SGCZ: variants seen among roughly 807,000 people sequenced by gnomAD.
The protein encoded by SGCZ is zeta-sarcoglycan.
In SGCZ, 40 loss-of-function variants were observed where a neutral mutation model predicts 41.3. The ratio of observed to expected loss-of-function variants is 0.97; its 90% CI spans 0.75 to 1.26. SGCZ has a LOEUF of 1.26. Among genes scored for constraint, SGCZ ranks in the 50% most tolerant of loss-of-function variants. The pLI is 0.00. For synonymous variants in SGCZ, 206 were observed against 137.5 expected (o/e 1.50, Z -3.49); for missense variants, 552 against 369.8 (o/e 1.49, Z -4.04).
At chr8:14,735,999 G>T (rs1266847616) in intron 1 of SGCZ, among the ~76,000 whole-genome samples, 1 of 152,076 alleles carries the variant, frequency 6.6e-6, no homozygotes, top group Non-Finnish European at 1.5e-5. Context: ...TGAGTATGGA[G>T]ATTGTAAGCA....
At chr8:14,436,152 G>T (rs1029417583) in intron 2 of SGCZ, among the ~76,000 whole-genome samples, 2 of 152,050 alleles carry the variant, frequency 1.3e-5, no homozygotes, top group African/African-American at 4.8e-5. Context: ...GTGATGTTTC[G>T]ATCCTCTGCC....
intron 3 of SGCZ, among the ~76,000 whole-genome samples, chr8:14,287,719 C>T (rs1427065068): frequency 6.6e-6 from 1 of 151,990 alleles, no homozygotes; most frequent in Non-Finnish European, 1.5e-5. Context: ...CCCCCATTAT[C>T]CCCGATTGGA....
At chr8:15,093,590 G>A (rs536355146) in intron 1 of SGCZ, among the ~76,000 whole-genome samples, 6 of 152,118 alleles carry the variant, frequency 3.9e-5, no homozygotes, top group African/African-American at 7.2e-5. Flanking sequence ...CTGTGGTATC[G>A]AATTTTCCTA....
At chr8:15,139,468 T>C (rs1022196967) in intron 1 of SGCZ, among the ~76,000 whole-genome samples, 6 of 152,204 alleles carry the variant, frequency 3.9e-5, no homozygotes, top group African/African-American at 1.4e-4. Flanking sequence ...ATTAAAAGTA[T>C]CACTATTACT....
chr8:15,200,704 G>A (rs568743214), intron 1 of SGCZ, among the ~76,000 whole-genome samples: 3 of 152,128 alleles, frequency 2.0e-5, no homozygotes, highest in Non-Finnish European at 4.4e-5. Flanking sequence ...GATCAGAAAT[G>A]CAAGTTCTCT....
At chr8:14,844,813 T>G (rs1803044809) in intron 1 of SGCZ, among the ~76,000 whole-genome samples, 1 of 152,150 alleles carries the variant, frequency 6.6e-6, no homozygotes, top group South Asian at 2.1e-4. Context: ...GTTTCAACAT[T>G]TGGGACATTA....
At chr8:14,445,140 T>G (rs1449040062) in intron 2 of SGCZ, among the ~76,000 whole-genome samples, 1 of 152,116 alleles carries the variant, frequency 6.6e-6, no homozygotes, top group East Asian at 1.9e-4. Context: ...TGAAAGGTGA[T>G]TATATTAATT....
At chr8:14,299,821 T>C (rs1049373139) in intron 3 of SGCZ, among the ~76,000 whole-genome samples, 1 of 151,850 alleles carries the variant, frequency 6.6e-6, no homozygotes, top group African/African-American at 2.4e-5. Flanking sequence ...CCAAGAGTAA[T>C]GAATTTATAT....
intron 2 of SGCZ, among the ~76,000 whole-genome samples, chr8:14,530,218 T>A (rs1164450562): frequency 6.6e-6 from 1 of 151,914 alleles, no homozygotes; most frequent in African/African-American, 2.4e-5. Context: ...AGGGAAATTT[T>A]TTTTAAAAAA....
chr8:14,936,495 A>T (rs1346593897), intron 1 of SGCZ, among the ~76,000 whole-genome samples: 1 of 151,936 alleles, frequency 6.6e-6, no homozygotes, highest in African/African-American at 2.4e-5. Flanking sequence ...TACTCAGAGT[A>T]TGGTTTCTAT....
intron 2 of SGCZ, among the ~76,000 whole-genome samples, chr8:14,512,033 T>C (rs1308149618): frequency 1.3e-5 from 2 of 152,150 alleles, no homozygotes; most frequent in East Asian, 1.9e-4. Context: ...CATTCTTGGA[T>C]GTGAAATTTT....
At chr8:15,167,600 T>C (rs1321359722) in intron 1 of SGCZ, among the ~76,000 whole-genome samples, 1 of 152,230 alleles carries the variant, frequency 6.6e-6, no homozygotes. Context: ...CTTTCTGCGC[T>C]TTATGCAAAT....
At chr8:14,731,587 T>TA (rs1243266131) in intron 1 of SGCZ, among the ~76,000 whole-genome samples, 1 of 152,182 alleles carries the variant, frequency 6.6e-6, no homozygotes, top group African/African-American at 2.4e-5. Context: ...ACAATACTTG[T>TA]AGAAATGTAA....
At chr8:14,885,985 T>TA (rs1804777672) in intron 1 of SGCZ, among the ~76,000 whole-genome samples, 3 of 55,972 alleles carry the variant, frequency 5.4e-5, no homozygotes, top group African/African-American at 2.1e-4. Context: ...GGACTTTATG[T>TA]TATATATATA....
Position 15,117,448 on chromosome 8 carries a change from T to C in SGCZ, c.39+120137A>G, listed in dbSNP as rs141307759. Reference sequence around the variant, plus strand: ...GCAAATATTATCTCCAACAAAATGCTATTAATTTACAAATCCATTGTGGCA... The same window carrying C: ...GCAAATATTATCTCCAACAAAATGCCATTAATTTACAAATCCATTGTGGCA... On this transcript the variant is annotated intron_variant, in intron 1 of 7. Coordinates refer to ENST00000382080, the MANE Select transcript of SGCZ (RefSeq NM_139167.4). Among the ~76,000 whole-genome samples the C allele has an allele frequency of 1.3e-3, 193 of 152,326 alleles. 1 individual carries two copies. Among genetic ancestry groups the C allele is most frequent in the Middle Eastern group, 0.01 (3 of 292 alleles).
chr8:14,901,197 T>C (rs891310123), intron 1 of SGCZ, among the ~76,000 whole-genome samples: 2 of 152,200 alleles, frequency 1.3e-5, no homozygotes, highest in African/African-American at 4.8e-5. Flanking sequence ...GAGACTCTTC[T>C]ATTATCCTTA....
intron 2 of SGCZ, among the ~76,000 whole-genome samples, chr8:14,404,517 A>G (rs1799160230): frequency 6.6e-6 from 1 of 152,222 alleles, no homozygotes; most frequent in Admixed American, 6.5e-5. Flanking sequence ...ATTTTAAATT[A>G]GGTGAGGAAA....
intron 1 of SGCZ, among the ~76,000 whole-genome samples, chr8:15,217,026 T>C (rs1038888716): frequency 2.6e-5 from 4 of 152,052 alleles, no homozygotes; most frequent in Non-Finnish European, 4.4e-5. Flanking sequence ...TCAGGTATCA[T>C]GTCCTGCTTA....
chr8:14,279,100 C>G (rs1800334470), intron 3 of SGCZ, among the ~76,000 whole-genome samples: 1 of 152,026 alleles, frequency 6.6e-6, no homozygotes, highest in Non-Finnish European at 1.5e-5. Flanking sequence ...TAATTACCAT[C>G]TTAGGTTGAA....
Sources: allele counts gnomAD v4.1 joint callset (sites outside exome capture counted in the v4.1 genomes callset), GRCh38; gene constraint gnomAD v4.1.1; transcripts MANE v1.5; gene names NCBI Gene and HGNC (gene_info 2026-07-23, HGNC 2026-07-21).